The following SORBS2 variants were observed in gnomAD, a reference collection of about 807,000 sequenced individuals.
The protein encoded by SORBS2 is sorbin and SH3 domain-containing protein 2.
A neutral mutation model predicts 97.7 loss-of-function variants in SORBS2; 46 were observed. The observed-to-expected ratio is 0.47, with a 90% CI of 0.37 to 0.60. The LOEUF (loss-of-function observed/expected upper bound fraction) is 0.60, where lower values mean the gene tolerates loss of function less well. Among genes scored for constraint, SORBS2 ranks in the 20% least tolerant of loss-of-function variants. The probability of loss-of-function intolerance (pLI) is 0.00; values close to 1 mark genes in which losing one functional copy is unlikely to be tolerated. For synonymous variants in SORBS2, 476 were observed against 473.4 expected, an observed-to-expected ratio of 1.01 and a Z score of -0.07; for missense variants, 1,316 against 1,282.3, an observed-to-expected ratio of 1.03 and a Z score of -0.40.
rs1179329438 is a variant in SORBS2, at chr4:185,607,975, G to A, written c.2796+3805C>T. 3.3e-5 allele frequency among the ~76,000 whole-genome samples: 5 copies of A among 152,144 alleles called. No homozygotes were observed. Among genetic ancestry groups the A allele is most frequent in the South Asian group, 2.1e-4 (1 of 4,822 alleles). ...CAAAGTGCTGGGGTTACAGGTGTGA[G>A]CCACCGCGCCTGGCCCTTAAGAGAT... On this transcript the variant is annotated intron_variant, in intron 12 of 14. Coordinates refer to ENST00000418609, the Ensembl canonical transcript of SORBS2. This position sits in a 1 kb window ranked among gnomAD's most constrained non-coding sequence, Gnocchi z 5.2.
At chr4:185,713,996 C>T (rs1049775777) in intron 2 of SORBS2, among the ~76,000 whole-genome samples, 1 of 152,170 alleles carries the variant, frequency 6.6e-6, no homozygotes, top group African/African-American at 2.4e-5. Context: ...GGATCTTAAA[C>T]TTCAATTCTA....
intron 2 of SORBS2, among the ~76,000 whole-genome samples, chr4:185,737,778 C>T (rs1453330526): frequency 6.6e-6 from 1 of 152,192 alleles, no homozygotes; most frequent in African/African-American, 2.4e-5. Flanking sequence ...GTCTAAAGAT[C>T]GAGACCTCAT....
upstream of SORBS2, among the ~76,000 whole-genome samples, chr4:185,658,952 C>T (rs563467046): frequency 3.0e-3 from 449 of 152,120 alleles, 2 homozygotes; most frequent in African/African-American, 9.8e-3. Context: ...ATGATCCGCC[C>T]GCCTCGGCCT....
chr4:185,890,464 G>A (rs1416075943), intron 1 of SORBS2, among the ~76,000 whole-genome samples: 1 of 152,160 alleles, frequency 6.6e-6, no homozygotes, highest in Non-Finnish European at 1.5e-5. Flanking sequence ...TGAGAATCCA[G>A]AGGTTTAGCC....
intron 2 of SORBS2, among the ~76,000 whole-genome samples, chr4:185,739,427 G>A (rs557123584): frequency 6.6e-6 from 1 of 152,290 alleles, no homozygotes; most frequent in South Asian, 2.1e-4. Context: ...TTAACATTGG[G>A]CAACTTAAAA....
chr4:185,715,321 T>A (rs2098456888), intron 2 of SORBS2, among the ~76,000 whole-genome samples: 1 of 152,118 alleles, frequency 6.6e-6, no homozygotes, highest in Admixed American at 6.6e-5. Flanking sequence ...ATTAATTTAG[T>A]CTCCAGCAAT....
At chr4:185,835,822 T>C (rs1012178266) in intron 1 of SORBS2, among the ~76,000 whole-genome samples, 2 of 152,026 alleles carry the variant, frequency 1.3e-5, no homozygotes, top group African/African-American at 4.8e-5. Flanking sequence ...TTTCCCAAGA[T>C]GAGGAGTGTC....
chr4:185,944,743 A>G (rs1180674497), intron 1 of SORBS2, among the ~76,000 whole-genome samples: 2 of 152,226 alleles, frequency 1.3e-5, no homozygotes, highest in Non-Finnish European at 2.9e-5. Context: ...GAAGACAAGT[A>G]TAAAGAAATA....
intron 1 of SORBS2, among the ~76,000 whole-genome samples, chr4:185,955,911 G>A (rs993606985): frequency 1.3e-5 from 2 of 152,006 alleles, no homozygotes; most frequent in Non-Finnish European, 2.9e-5. Flanking sequence ...GAATGTGATG[G>A]TTGAAAGCTG....
intron 12 of SORBS2, among the ~76,000 whole-genome samples, chr4:185,597,684 TG>T (rs1222361814): frequency 6.6e-6 from 1 of 152,182 alleles, no homozygotes; most frequent in Non-Finnish European, 1.5e-5. Context: ...ATAGATTATC[TG>T]GGGAGACTGT....
chr4:185,763,834 A>G lies in SORBS2; in HGVS notation c.-198+11393T>C, dbSNP rs192442365. Among the ~76,000 whole-genome samples, 13 of 152,362 alleles carry G rather than the reference A, an allele frequency of 8.5e-5. No individual in the cohort carries two copies. In the East Asian group the frequency reaches 1.7e-3, roughly 20 times the overall value. ...TATTATCCATTTTGTCAAAACTCTT[A>G]AAAAGATAGTGATGTCTACCAGCTT... On this transcript the variant is annotated intron_variant, in intron 2 of 20. Coordinates refer to the SORBS2 transcript ENST00000284776.
At chr4:185,667,649 G>A (rs6836239) in intron 4 of SORBS2, among the ~76,000 whole-genome samples, 135,945 of 147,860 alleles carry the variant, frequency 0.92, 62,883 homozygotes, top group Middle Eastern at 0.97. Flanking sequence ...TACTTAATAT[G>A]ATTTTTTTTC....
At chr4:185,612,117 G>C in intron 11 of SORBS2, 137 bp from the exon 24 acceptor site, 1 of 628,248 alleles carries the variant, frequency 1.6e-6, no homozygotes, top group Non-Finnish European at 2.8e-6. Context: ...AATCAGGGGA[G>C]GGCAAGTAAG....
intron 1 of SORBS2, among the ~76,000 whole-genome samples, chr4:185,956,025 T>C (rs1223525441): frequency 1.3e-5 from 2 of 152,216 alleles, no homozygotes; most frequent in African/African-American, 4.8e-5. Flanking sequence ...AAGTGTTCCT[T>C]TATTCTGCTT....
chr4:185,606,648 T>C lies in SORBS2; in HGVS notation c.2796+5132A>G. The C allele has an allele frequency of 1.0e-6, 1 of 985,182 alleles. No homozygotes were observed. Among genetic ancestry groups the C allele is most frequent in the Non-Finnish European group, 1.2e-6 (1 of 829,862 alleles). 61.0% of individuals were successfully genotyped at this position (985,182 alleles called of 1,614,324 possible). ...GGGTCCTAGGATCTGTGGGGGTGGC[T>C]ATGGGGTGTTTTAGGCAGTTGGGTT... is the stretch of plus-strand genomic sequence containing the variant. On this transcript the variant is annotated intron_variant, in intron 12 of 14. Transcript: ENST00000418609. The surrounding 1 kb of genome is among the most constrained non-coding windows in gnomAD (Gnocchi z 4.3).
intron 1 of SORBS2, among the ~76,000 whole-genome samples, chr4:185,856,527 G>T (rs932451275): frequency 6.6e-6 from 1 of 152,038 alleles, no homozygotes. Flanking sequence ...CTAGATTTTT[G>T]ATAGCATTAA....
intron 2 of SORBS2, among the ~76,000 whole-genome samples, chr4:185,762,024 C>A (rs945007804): frequency 6.6e-6 from 1 of 152,162 alleles, no homozygotes; most frequent in African/African-American, 2.4e-5. Flanking sequence ...CAAGGGGTTA[C>A]ACGGAAGGCA....
At chr4:185,741,393 CT>C (rs1210677956) in intron 2 of SORBS2, among the ~76,000 whole-genome samples, 40 of 119,530 alleles carry the variant, frequency 3.3e-4, no homozygotes, top group Admixed American at 8.0e-4. Flanking sequence ...TCTTTCTTTT[CT>C]TTTTTTTTTG....
At chr4:185,803,004 A>G (rs1474069107) in intron 1 of SORBS2, among the ~76,000 whole-genome samples, 1 of 152,152 alleles carries the variant, frequency 6.6e-6, no homozygotes, top group Non-Finnish European at 1.5e-5. Flanking sequence ...ATTTCAAGGC[A>G]ACACTTTTCC....
Sources: allele counts gnomAD v4.1 joint callset (sites outside exome capture counted in the v4.1 genomes callset), GRCh38; gene constraint gnomAD v4.1.1; non-coding constraint Gnocchi (gnomAD v3.1); transcripts MANE v1.5; gene names NCBI Gene and HGNC (gene_info 2026-07-23, HGNC 2026-07-21).